RHBDL2: variants seen among roughly 807,000 people sequenced by gnomAD.
RHBDL2 encodes rhomboid-related protein 2.
Under a neutral mutation model 31.7 loss-of-function variants are expected in RHBDL2, and 26 were observed. The observed-to-expected ratio is 0.82, with a 90% CI of 0.60 to 1.14. RHBDL2 has a LOEUF of 1.14. RHBDL2 is among the 50% of genes most tolerant of loss of function. The probability of loss-of-function intolerance (pLI) is 0.00; values close to 1 mark genes in which losing one functional copy is unlikely to be tolerated. For synonymous variants in RHBDL2, 123 were observed against 127.2 expected (o/e 0.97, Z 0.22); for missense variants, 336 against 364.4 (o/e 0.92, Z 0.63).
intron 1 of RHBDL2, among the ~76,000 whole-genome samples, chr1:38,925,264 G>A (rs1313862346): frequency 1.3e-5 from 2 of 151,804 alleles, no homozygotes; most frequent in African/African-American, 2.4e-5. Context: ...TTGAGAGGCC[G>A]AGGCAGGCAG....
At position 38,915,637 on chromosome 1, in the gene RHBDL2, T is replaced by G; in HGVS notation, c.320A>C (p.Glu107Ala). ...QWITLDTGIL[E>A]SPFIYSPEKR... ...CTCAGGACTGTAGATAAAGGGACTC[T>G]CCAAGATGCCTGTGTCCAACGTGAT... Residue 107 changes from glutamate (E) to alanine (A), a missense_variant, in exon 3 of 8, where the codon GAG becomes GCG. Physicochemically the swap from Glu to Ala is moderately radical, Grantham distance 107 (BLOSUM62 -1). Coordinates refer to ENST00000372990, the MANE Select transcript of RHBDL2 (RefSeq NM_017821.5). The G allele has an allele frequency of 2.5e-6, 4 of 1,614,090 alleles. No individual in the cohort carries two copies. The highest frequency in any genetic ancestry group is 3.4e-6 in the Non-Finnish European group (4 of 1,179,974).
At chr1:38,905,728 G>T (rs1643055866) in intron 4 of RHBDL2, among the ~76,000 whole-genome samples, 1 of 148,998 alleles carries the variant, frequency 6.7e-6, no homozygotes, top group African/African-American at 2.5e-5. Context: ...CTCCAGCCTG[G>T]GTGACAGAGA....
intron 2 of RHBDL2, among the ~76,000 whole-genome samples, chr1:38,916,758 C>G (rs1643242024): frequency 6.7e-6 from 1 of 149,990 alleles, no homozygotes; most frequent in Non-Finnish European, 1.5e-5. Flanking sequence ...GTAATCCCAG[C>G]TACTTGGGAG....
In RHBDL2 at chr1:38,912,910, A is replaced by ATG. The variant is rs869081947; in HGVS notation, c.396-1478_396-1477dup. 1.5e-3 allele frequency among the ~76,000 whole-genome samples: 64 copies of ATG among 41,366 alleles called. 1 individual carries two copies. The highest frequency in any genetic ancestry group is 5.4e-3 in the East Asian group (11 of 2,054). The allele number at this position is 41,366 out of a possible 152,430, so 27.1% of individuals were successfully genotyped here. A position where few individuals can be genotyped will look rare whatever the true frequency, so the allele number is the denominator to read the frequency against. On this transcript the variant is annotated intron_variant, in intron 3 of 7. Coordinates refer to ENST00000372990, the MANE Select transcript of RHBDL2 (RefSeq NM_017821.5). ...TATATATATATATATATATATATAT[A>ATG]TGTGTGTGTGTGTGTGTGTGTGTGT...
intron 3 of RHBDL2, among the ~76,000 whole-genome samples, chr1:38,912,523 A>C (rs1643164264): frequency 6.7e-6 from 1 of 150,346 alleles, no homozygotes; most frequent in Admixed American, 6.6e-5. Flanking sequence ...TAATCGTCCC[A>C]CCTCAGCCTC....
chr1:38,889,013 A>C (rs181841716), intron 6 of RHBDL2, among the ~76,000 whole-genome samples: 2 of 152,246 alleles, frequency 1.3e-5, no homozygotes, highest in Non-Finnish European at 2.9e-5. Context: ...TAGGGTCTAT[A>C]TGGGCCATTG....
chr1:38,911,623 TGTGTGTGTGTGTGTGTGTGTGTGC>T (rs1360983092), intron 3 of RHBDL2, among the ~76,000 whole-genome samples, 189 bp from the exon 4 acceptor site: 3 of 127,216 alleles, frequency 2.4e-5, no homozygotes, highest in Non-Finnish European at 3.6e-5. Flanking sequence ...TGTGTGTGTG[TGTGTGTGTGTGTGTGTGTGTGTGC>T]GCGCGCGCGC....
intron 1 of RHBDL2, among the ~76,000 whole-genome samples, chr1:38,936,267 C>A (rs1315377310): frequency 2.0e-5 from 3 of 151,966 alleles, no homozygotes; most frequent in East Asian, 3.9e-4. Context: ...ACTTAATCAG[C>A]TTCCTCAGGT....
intron 5 of RHBDL2, 45 bp from the exon 6 acceptor site, chr1:38,893,269 A>G (rs747067710): frequency 1.1e-6 from 1 of 919,542 alleles, no homozygotes. Context: ...TCTATGGACA[A>G]ATGAAACCTC....
intron 5 of RHBDL2, 27 bp downstream of exon 5, chr1:38,895,942 C>A (rs374046214): frequency 6.8e-5 from 98 of 1,445,530 alleles, no homozygotes; most frequent in Non-Finnish European, 8.9e-5. Context: ...TTAAGAGACT[C>A]GTGGACTCCA....
chr1:38,896,026 C>T lies in RHBDL2; in HGVS notation c.552G>A (p.Val184=). Reference sequence around the variant, plus strand: ...GAGCATAGACTCCTCCTGAAGCTCCCACAAGATATCTGAGTGGGTCAAAGA... The same window carrying T: ...GAGCATAGACTCCTCCTGAAGCTCCTACAAGATATCTGAGTGGGTCAAAGA... The part of the protein sequence containing the change: ...SSIFDPLRYL[V]GASGGVYALM... Residue 184 remains valine, a synonymous_variant, in exon 5 of 8, where the codon GTG becomes GTA. Transcript: ENST00000372990. The T allele has an allele frequency of 1.2e-6, 2 of 1,613,922 alleles. No individual in the cohort carries two copies. The highest frequency in any genetic ancestry group is 1.7e-6 in the Non-Finnish European group (2 of 1,179,948).
At chr1:38,899,309 A>G (rs1642960044) in intron 4 of RHBDL2, among the ~76,000 whole-genome samples, 1 of 152,202 alleles carries the variant, frequency 6.6e-6, no homozygotes, top group Non-Finnish European at 1.5e-5. Flanking sequence ...CCAGGCAATC[A>G]GGGGCATGTC....
chr1:38,939,556 A>T (rs1255868106), intron 1 of RHBDL2, among the ~76,000 whole-genome samples: 1 of 152,160 alleles, frequency 6.6e-6, no homozygotes, highest in Admixed American at 6.5e-5. Context: ...GTGCACCTAT[A>T]GTCCCAGCTA....
chr1:38,938,159 A>G (rs914418201), intron 1 of RHBDL2, among the ~76,000 whole-genome samples: 4 of 151,950 alleles, frequency 2.6e-5, no homozygotes, highest in Non-Finnish European at 5.9e-5. Flanking sequence ...CTGGGACTAC[A>G]GGTGCACGCC....
At chr1:38,909,451 T>C (rs1183244063) in intron 4 of RHBDL2, among the ~76,000 whole-genome samples, 1 of 152,186 alleles carries the variant, frequency 6.6e-6, no homozygotes, top group Non-Finnish European at 1.5e-5. Flanking sequence ...CTTTAAATGT[T>C]TAATATTTAA....
intron 1 of RHBDL2, among the ~76,000 whole-genome samples, chr1:38,935,534 G>A (rs1267674021): frequency 2.0e-5 from 3 of 152,130 alleles, no homozygotes; most frequent in Admixed American, 6.5e-5. Flanking sequence ...TTATAGATTC[G>A]GTATCAGTAT....
intron 1 of RHBDL2, among the ~76,000 whole-genome samples, chr1:38,931,494 C>T (rs892935994): frequency 6.6e-6 from 1 of 151,728 alleles, no homozygotes; most frequent in Non-Finnish European, 1.5e-5. Flanking sequence ...TGCACTCCAG[C>T]CTGGGTGACA....
chr1:38,919,520 C>A (rs766812653), intron 1 of RHBDL2, 183 bp from the exon 2 acceptor site: 51 of 305,756 alleles, frequency 1.7e-4, no homozygotes, highest in Non-Finnish European at 2.7e-4. Flanking sequence ...ATTCTCCAAG[C>A]CTCAAATTAC....
At chr1:38,899,551 A>C (rs1642962843) in intron 4 of RHBDL2, among the ~76,000 whole-genome samples, 1 of 152,192 alleles carries the variant, frequency 6.6e-6, no homozygotes, top group Non-Finnish European at 1.5e-5. Context: ...TGGGGTTGGA[A>C]TTCAGGTCCC....
Sources: gnomAD v4.1 joint callset for allele counts (sites outside exome capture counted in the v4.1 genomes callset) on GRCh38, gnomAD v4.1.1 for gene constraint, MANE v1.5 for transcripts, NCBI Gene and HGNC (gene_info 2026-07-23, HGNC 2026-07-21) for gene names.